The following FOXO3 variants were observed in gnomAD, a reference collection of about 807,000 sequenced individuals.
FOXO3 encodes forkhead box O3.
A neutral mutation model predicts 41.9 loss-of-function variants in FOXO3; 4 were observed. The observed-to-expected ratio is 0.10, with a 90% CI of 0.05 to 0.22. The LOEUF (loss-of-function observed/expected upper bound fraction) is 0.22, where lower values mean the gene tolerates loss of function less well. FOXO3 is among the 10% of genes least tolerant of loss of function. The pLI is 1.00. For synonymous variants in FOXO3, 318 were observed against 389.3 expected (o/e 0.82, Z 2.16); for missense variants, 534 against 906.8 (o/e 0.59, Z 5.28).
intron 1 of FOXO3, among the ~76,000 whole-genome samples, chr6:108,660,308 C>T (rs1017565968): frequency 1.3e-4 from 20 of 152,060 alleles, no homozygotes; most frequent in Admixed American, 3.3e-4. Context: ...GTGTACTATC[C>T]GGACCATTAG....
intron 1 of FOXO3, among the ~76,000 whole-genome samples, chr6:108,573,576 C>T (rs1202946412): frequency 1.3e-5 from 2 of 152,196 alleles, no homozygotes; most frequent in African/African-American, 4.8e-5. Flanking sequence ...GCCTGTAATA[C>T]CAGCACTTTG....
Position 108,561,235 on chromosome 6 carries a change from C to T in FOXO3, c.27C>T (p.Ala9=), listed in dbSNP as rs561090935. The T allele has an allele frequency of 1.3e-6, 2 of 1,560,868 alleles. No homozygotes were observed. The highest frequency in any genetic ancestry group is 1.9e-5 in the Admixed American group (1 of 52,702). The change falls in exon 1 of 3, where the codon GCC becomes GCT. Residue 9 remains alanine, a synonymous_variant. Transcript: ENST00000406360. MAEAPASP[A]PLSPLEVELD... is the part of the protein sequence containing the mutation. ...TGGCAGAGGCACCGGCTTCCCCGGC[C>T]CCGCTCTCTCCGCTCGAAGTGGAGC...
At chr6:108,669,555 G>T (rs1779155469) in intron 2 of FOXO3, among the ~76,000 whole-genome samples, 1 of 152,140 alleles carries the variant, frequency 6.6e-6, no homozygotes, top group Admixed American at 6.5e-5. Context: ...CTAGCCTGAA[G>T]AATTCTGCAT....
chr6:108,660,307 C>T (rs187049846), intron 1 of FOXO3, among the ~76,000 whole-genome samples: 33 of 152,258 alleles, frequency 2.2e-4, no homozygotes, highest in Admixed American at 2.1e-3. Flanking sequence ...AGTGTACTAT[C>T]CGGACCATTA....
rs770135223 is a variant in FOXO3 at position 108,682,102 on chromosome 6, A to G, written c.*2310A>G. ...ATGCAAAGTGACTAACAAAATAGCT[A>G]CTTACCTTTGCAGTTTTACAGACCC... On this transcript the variant is annotated 3_prime_UTR_variant, in exon 3 of 3. Coordinates refer to ENST00000406360, the MANE Select transcript of FOXO3 (RefSeq NM_001455.4). 6.6e-6 allele frequency: 1 copy of G among 152,582 alleles called. No homozygotes were observed. The highest frequency in any genetic ancestry group is 1.5e-5 in the Non-Finnish European group (1 of 68,032). The allele number at this position is 152,582 out of a possible 1,614,324, so 9.5% of individuals were successfully genotyped here. A position where few individuals can be genotyped will look rare whatever the true frequency, so the allele number is the denominator to read the frequency against.
intron 1 of FOXO3, among the ~76,000 whole-genome samples, chr6:108,586,632 G>A (rs1776585633): frequency 6.6e-6 from 1 of 152,150 alleles, no homozygotes; most frequent in African/African-American, 2.4e-5. Flanking sequence ...GGAAACCCTG[G>A]ACAGGTAGGA....
At chr6:108,668,582 G>C (rs1044059036) in intron 2 of FOXO3, among the ~76,000 whole-genome samples, 7 of 152,130 alleles carry the variant, frequency 4.6e-5, no homozygotes, top group African/African-American at 1.4e-4. Context: ...AAAGATGCCT[G>C]CATTCACAAA....
At position 108,561,685 on chromosome 6, in the gene FOXO3, C is replaced by G; in HGVS notation, c.477C>G (p.Asn159Lys). The change falls in exon 1 of 3, where the codon AAC becomes AAG. Residue 159 changes from asparagine to lysine, a missense_variant. Physicochemically the swap from Asn to Lys is moderately conservative, Grantham distance 94. Coordinates refer to ENST00000406360, the MANE Select transcript of FOXO3 (RefSeq NM_001455.4). Reference sequence around the variant, plus strand: ...CGTCGCGGCGGAACGCCTGGGGAAACCTGTCCTACGCGGACCTGATCACCC... The same window carrying G: ...CGTCGCGGCGGAACGCCTGGGGAAAGCTGTCCTACGCGGACCTGATCACCC... ...KCSSRRNAWGNLSYADLITRA... is the reference protein window; with the variant it reads ...KCSSRRNAWGKLSYADLITRA... 1 of 1,609,960 alleles carries G rather than the reference C, an allele frequency of 6.2e-7. No individual in the cohort carries two copies. Among genetic ancestry groups the G allele is most frequent in the South Asian group, 1.1e-5 (1 of 90,718 alleles).
At chr6:108,635,016 A>C (rs1778083977) in intron 1 of FOXO3, among the ~76,000 whole-genome samples, 1 of 151,536 alleles carries the variant, frequency 6.6e-6, no homozygotes, top group Non-Finnish European at 1.5e-5. Context: ...AATAATAAAT[A>C]TGGCGGGCAT....
intron 1 of FOXO3, among the ~76,000 whole-genome samples, chr6:108,651,253 C>T (rs1582815602): frequency 6.6e-6 from 1 of 152,218 alleles, no homozygotes; most frequent in East Asian, 1.9e-4. Flanking sequence ...CTGCTTCTTT[C>T]ACTGGTAACA....
intron 1 of FOXO3, among the ~76,000 whole-genome samples, chr6:108,647,011 C>T (rs1021136937): frequency 1.6e-4 from 25 of 152,134 alleles, no homozygotes; most frequent in Admixed American, 1.4e-3. Context: ...CATCACTAAG[C>T]GTAGTACTGC....
Position 108,560,956 on chromosome 6 carries a change from G to A in FOXO3, c.-253G>A. ...CAGGTTCGCTGGCCGCACGTCTTCA[G>A]GTCCTCCTGTTCCTGGGAGGCGGGC... On this transcript the variant is annotated 5_prime_UTR_variant, in exon 1 of 3. Transcript: ENST00000406360. 7.6e-7 allele frequency: 1 copy of A among 1,323,078 alleles called. No homozygotes were observed. The highest frequency in any genetic ancestry group is 2.1e-5 in the South Asian group (1 of 47,434). The allele number at this position is 1,323,078 out of a possible 1,614,324, so 82.0% of individuals were successfully genotyped here.
chr6:108,674,290 G>A (rs1770487206), intron 2 of FOXO3, among the ~76,000 whole-genome samples: 1 of 152,160 alleles, frequency 6.6e-6, no homozygotes, highest in African/African-American at 2.4e-5. Context: ...GGTTCTTCCA[G>A]GAGGATGGTT....
At chr6:108,601,561 C>T (rs1377580959) in intron 1 of FOXO3, among the ~76,000 whole-genome samples, 1 of 152,204 alleles carries the variant, frequency 6.6e-6, no homozygotes, top group African/African-American at 2.4e-5. Context: ...GCCTTGGCCT[C>T]CCAAAGGGCT....
At chr6:108,617,107 G>A (rs1196101063) in intron 1 of FOXO3, among the ~76,000 whole-genome samples, 1 of 152,118 alleles carries the variant, frequency 6.6e-6, no homozygotes. Context: ...CAGTTTTTAT[G>A]TGGACATATT....
At chr6:108,652,330 T>C (rs1778568188) in intron 1 of FOXO3, among the ~76,000 whole-genome samples, 1 of 152,244 alleles carries the variant, frequency 6.6e-6, no homozygotes, top group South Asian at 2.1e-4. Context: ...AAATTAGTGT[T>C]AGCAGATGGG....
rs1770954232 is a variant in FOXO3 at position 108,683,671 on chromosome 6, A to G, written c.*3879A>G. On this transcript the variant is annotated 3_prime_UTR_variant, in exon 3 of 3. Transcript: ENST00000406360. ...AGTGCACTCCAGCCTGGGTAACAAG[A>G]GTGAAACTCCGTGTCAAAAAAAAAA... 1 of 140,938 alleles carries G rather than the reference A, an allele frequency of 7.1e-6. No homozygotes were observed. Among genetic ancestry groups the G allele is most frequent in the African/African-American group, 2.5e-5 (1 of 40,084 alleles). The allele number at this position is 140,938 out of a possible 1,614,324, so 8.7% of individuals were successfully genotyped here.
intron 1 of FOXO3, among the ~76,000 whole-genome samples, chr6:108,641,090 A>G (rs1322060740): frequency 6.6e-6 from 1 of 152,008 alleles, no homozygotes; most frequent in Admixed American, 6.6e-5. Flanking sequence ...TTATATTTTT[A>G]GTAGAGACAG....
At chr6:108,596,869 C>G (rs1465067915) in intron 1 of FOXO3, among the ~76,000 whole-genome samples, 17 of 152,158 alleles carry the variant, frequency 1.1e-4, no homozygotes, top group Admixed American at 1.1e-3. Flanking sequence ...CAAACAGTTG[C>G]AGCTCAAAGG....
Sources: gnomAD v4.1 joint callset for allele counts (sites outside exome capture counted in the v4.1 genomes callset) on GRCh38, gnomAD v4.1.1 for gene constraint, MANE v1.5 for transcripts, NCBI Gene and HGNC (gene_info 2026-07-23, HGNC 2026-07-21) for gene names.